Variants in CHRNA7 observed in about 807,000 individuals in gnomAD.
CHRNA7 encodes the protein cholinergic receptor nicotinic alpha 7 subunit.
A neutral mutation model predicts 48.0 loss-of-function variants in CHRNA7; 17 were observed. The ratio of observed to expected loss-of-function variants is 0.35; its 90% CI spans 0.24 to 0.53. CHRNA7 has a LOEUF of 0.53. Ranked by LOEUF, CHRNA7 falls within the 20% of genes least tolerant of loss-of-function variation. The pLI is 0.92. For synonymous variants in CHRNA7, 75 were observed against 242.3 expected, an observed-to-expected ratio of 0.31 and a Z score of 6.41; for missense variants, 155 against 577.7, an observed-to-expected ratio of 0.27 and a Z score of 7.50.
intron 4 of CHRNA7, among the ~76,000 whole-genome samples, chr15:32,151,551 CT>C (rs1258776690): frequency 3.3e-5 from 5 of 152,076 alleles, no homozygotes; most frequent in African/African-American, 9.7e-5. Flanking sequence ...CCTGATGGAG[CT>C]TCTGTGAGTG....
intron 2 of CHRNA7, among the ~76,000 whole-genome samples, chr15:32,074,941 G>T (rs187831061): frequency 1.7e-4 from 26 of 152,164 alleles, no homozygotes; most frequent in African/African-American, 5.8e-4. Flanking sequence ...GTGCCACCGC[G>T]GCTGGCCAGA....
intron 2 of CHRNA7, among the ~76,000 whole-genome samples, chr15:32,083,593 T>C (rs1429215960): frequency 2.0e-5 from 3 of 152,160 alleles, no homozygotes; most frequent in Non-Finnish European, 4.4e-5. Context: ...GGGTGGATGG[T>C]GTGGGACAGA....
intron 4 of CHRNA7, among the ~76,000 whole-genome samples, chr15:32,137,340 C>CA (rs1174857519): frequency 1.3e-5 from 2 of 151,392 alleles, no homozygotes; most frequent in South Asian, 4.2e-4. Context: ...ACAACACCCC[C>CA]CCCCCACACA....
intron 3 of CHRNA7, 106 bp downstream of exon 3, chr15:32,101,453 AAAAAAACC>A (rs2050570769): frequency 2.4e-5 from 28 of 1,144,238 alleles, no homozygotes; most frequent in African/African-American, 3.3e-5. Context: ...CTGTTTAGGA[AAAAAAACC>A]AAAAAAACAA....
At chr15:32,074,637 A>ATATTATTATTAT (rs113812797) in intron 2 of CHRNA7, among the ~76,000 whole-genome samples, 4,648 of 141,732 alleles carry the variant, frequency 0.033, 137 homozygotes, top group African/African-American at 0.09. Context: ...CACATTATTA[A>ATATTATTATTAT]TATTATTATT....
At chr15:32,112,176 G>C (rs1467266185) in intron 4 of CHRNA7, 1 of 584,066 alleles carries the variant, frequency 1.7e-6, no homozygotes, top group African/African-American at 1.8e-5. Context: ...TGTTGTTTCT[G>C]TGCATATTGG....
intron 2 of CHRNA7, among the ~76,000 whole-genome samples, chr15:32,070,282 A>C (rs2050032836): frequency 1.3e-5 from 2 of 151,990 alleles, no homozygotes. Context: ...CCTCCAGGCA[A>C]CCACTAATCT....
chr15:32,117,743 G>C (rs1369272880), intron 4 of CHRNA7, among the ~76,000 whole-genome samples: 4 of 152,130 alleles, frequency 2.6e-5, no homozygotes, highest in Non-Finnish European at 5.9e-5. Context: ...TGCACACATG[G>C]AATGGCATCT....
chr15:32,105,095 G>A (rs1316304808), intron 3 of CHRNA7, among the ~76,000 whole-genome samples: 1 of 152,230 alleles, frequency 6.6e-6, no homozygotes, highest in Non-Finnish European at 1.5e-5. Context: ...GGTGTCACCA[G>A]AGACCTCTAA....
chr15:32,077,777 AAGG>A (rs746895500), intron 2 of CHRNA7, among the ~76,000 whole-genome samples: 7 of 152,112 alleles, frequency 4.6e-5, no homozygotes, highest in Admixed American at 2.6e-4. Flanking sequence ...GCAGAAGGTG[AAGG>A]AGGAGGAGCA....
At chr15:32,087,475 A>G (rs1202350564) in intron 2 of CHRNA7, among the ~76,000 whole-genome samples, 2 of 152,174 alleles carry the variant, frequency 1.3e-5, no homozygotes, top group Non-Finnish European at 2.9e-5. Context: ...TTTGGGTGCT[A>G]GGTGGGTTCA....
At chr15:32,055,081 A>T (rs2049762505) in intron 2 of CHRNA7, among the ~76,000 whole-genome samples, 1 of 152,184 alleles carries the variant, frequency 6.6e-6, no homozygotes, top group Admixed American at 6.5e-5. Context: ...TTACCATTCT[A>T]GTGGGTGTGG....
intron 4 of CHRNA7, among the ~76,000 whole-genome samples, chr15:32,123,972 A>G (rs1323778143): frequency 1.3e-5 from 2 of 151,590 alleles, no homozygotes; most frequent in Non-Finnish European, 2.9e-5. Flanking sequence ...GCCAAAAAAA[A>G]AAAAAAAAAA....
chr15:32,150,511 T>C (rs564961715), intron 4 of CHRNA7, among the ~76,000 whole-genome samples: 6 of 152,310 alleles, frequency 3.9e-5, no homozygotes, highest in Middle Eastern at 3.4e-3. Flanking sequence ...GTGACTCCTT[T>C]ATAAGAGATT....
intron 2 of CHRNA7, among the ~76,000 whole-genome samples, chr15:32,079,810 A>G (rs896777433): frequency 1.4e-4 from 22 of 152,056 alleles, no homozygotes; most frequent in African/African-American, 4.8e-4. Context: ...TAAAATTCAT[A>G]TTGAACCAAA....
At chr15:32,115,139 G>T (rs1215157020) in intron 4 of CHRNA7, among the ~76,000 whole-genome samples, 3 of 152,162 alleles carry the variant, frequency 2.0e-5, no homozygotes, top group Non-Finnish European at 2.9e-5. Context: ...GTAGGCAGGA[G>T]CCCAGCTTGG....
intron 4 of CHRNA7, among the ~76,000 whole-genome samples, chr15:32,151,698 TTC>T (rs1370364421): frequency 6.6e-6 from 1 of 152,258 alleles, no homozygotes; most frequent in Non-Finnish European, 1.5e-5. Context: ...ATTTCCATTT[TTC>T]TCTCTTTTTT....
intron 2 of CHRNA7, among the ~76,000 whole-genome samples, chr15:32,032,407 A>G (rs1901886653): frequency 6.6e-6 from 1 of 151,988 alleles, no homozygotes; most frequent in Non-Finnish European, 1.5e-5. Context: ...CTGTTAGGTA[A>G]GTTTCTTAAG....
intron 4 of CHRNA7, among the ~76,000 whole-genome samples, chr15:32,152,307 G>A (rs897970526): frequency 6.6e-6 from 1 of 152,144 alleles, no homozygotes; most frequent in Non-Finnish European, 1.5e-5. Flanking sequence ...GCCGGGAGTG[G>A]TGGCACGCAC....
Sources: allele counts gnomAD v4.1 joint callset (sites outside exome capture counted in the v4.1 genomes callset), GRCh38; gene constraint gnomAD v4.1.1; transcripts MANE v1.5; gene names NCBI Gene and HGNC (gene_info 2026-07-23, HGNC 2026-07-21).